Variants in PPP1R12C observed in about 807,000 individuals in gnomAD.
The protein encoded by PPP1R12C is protein phosphatase 1 regulatory subunit 12C.
Under a neutral mutation model 95.6 loss-of-function variants are expected in PPP1R12C, and 48 were observed. That is an observed-to-expected ratio of 0.50 (90% CI 0.40 to 0.64). PPP1R12C has a LOEUF of 0.64. Ranked by LOEUF, PPP1R12C falls within the 30% of genes least tolerant of loss-of-function variation. The pLI, the probability that PPP1R12C is intolerant of heterozygous loss-of-function variation, is 0.00. For missense variants in PPP1R12C, 1,057 were observed against 1,083.3 expected (o/e 0.98, Z 0.34); for synonymous variants, 480 against 460.8 (o/e 1.04, Z -0.53).
At chr19:55,111,944 C>T (rs1476958932) in intron 3 of PPP1R12C, 1 of 152,720 alleles carries the variant, frequency 6.5e-6, no homozygotes, top group African/African-American at 2.4e-5. Flanking sequence ...CACACACCTG[C>T]TAGAAGCAAC....
chr19:55,092,917 G>C (rs1326902192), intron 15 of PPP1R12C, 49 bp from the exon 16 acceptor site: 3 of 1,593,518 alleles, frequency 1.9e-6, no homozygotes, highest in African/African-American at 2.7e-5. Context: ...GCCCCCTCTC[G>C]GTGCCTGGGT....
chr19:55,107,361 T>C (rs758544796), intron 3 of PPP1R12C, among the ~76,000 whole-genome samples: 2 of 151,880 alleles, frequency 1.3e-5, no homozygotes, highest in Non-Finnish European at 2.9e-5. Context: ...TTGCAGTGAG[T>C]CAAGACCATG....
chr19:55,112,837 A>G, intron 1 of PPP1R12C, 42 bp from the exon 2 acceptor site: 1 of 1,606,438 alleles, frequency 6.2e-7, no homozygotes, highest in Non-Finnish European at 8.5e-7. Context: ...TACCCCAGCC[A>G]CGGTGTCCCA....
In PPP1R12C at chr19:55,113,518, G is replaced by C. The variant is rs577735675; in HGVS notation, c.322-723C>G. The C allele has an allele frequency of 3.2e-5, 45 of 1,396,264 alleles. No homozygotes were observed. The East Asian group carries it at 9.2e-4, about 29-fold the overall frequency. 86.5% of individuals were successfully genotyped at this position (1,396,264 alleles called of 1,614,324 possible). A position where few individuals can be genotyped will look rare whatever the true frequency, so the allele number is the denominator to read the frequency against. On this transcript the variant is annotated intron_variant, in intron 1 of 21. Coordinates refer to ENST00000263433, the MANE Select transcript of PPP1R12C (RefSeq NM_017607.4). ...TTCCCTTAGGGGTCCAAAACTTGGG[G>C]GGACAAAAGCCGAAGTCCAGGGGGT...
Position 55,094,659 on chromosome 19 carries a change from A to T in PPP1R12C, c.1592+2T>A. On this transcript the variant is annotated splice_donor_variant, in intron 12 of 21. Transcript: ENST00000263433. LOFTEE classifies it high-confidence loss of function. ...GGCAGCTTCCTGCCCTGGCCTCTTCACCTCCGTCGGTCCCGGGAGTCCGCT... is the reference window on the plus strand; with the variant it reads ...GGCAGCTTCCTGCCCTGGCCTCTTCTCCTCCGTCGGTCCCGGGAGTCCGCT... The T allele has an allele frequency of 1.3e-6, 2 of 1,583,460 alleles. No individual in the cohort carries two copies. Among genetic ancestry groups the T allele is most frequent in the Non-Finnish European group, 1.7e-6 (2 of 1,169,588 alleles).
chr19:55,117,157 G>A (rs921955778), intron 1 of PPP1R12C, 66 bp downstream of exon 1: 9 of 1,172,316 alleles, frequency 7.7e-6, no homozygotes, highest in East Asian at 7.1e-5. Flanking sequence ...GGGGAAGGAG[G>A]ATGCCCCAGG....
chr19:55,106,792 C>T (rs994617828), intron 3 of PPP1R12C, among the ~76,000 whole-genome samples: 6 of 152,132 alleles, frequency 3.9e-5, no homozygotes, highest in African/African-American at 9.7e-5. Flanking sequence ...TCAATGTGAC[C>T]GGGCCCATAG....
chr19:55,101,859 G>A (rs564042066), intron 4 of PPP1R12C, among the ~76,000 whole-genome samples: 10 of 151,764 alleles, frequency 6.6e-5, no homozygotes, highest in South Asian at 2.1e-4. Context: ...GAGCTGTTAC[G>A]GGTGCTAGGC....
intron 3 of PPP1R12C, chr19:55,112,076 T>C (rs1485750394): frequency 1.1e-5 from 2 of 178,298 alleles, no homozygotes; most frequent in Admixed American, 5.6e-5. Context: ...TGGCAACCCC[T>C]GCATGCCCCT....
rs2084867421 is a variant in PPP1R12C, at chr19:55,093,148, C to G, written c.1764+5G>C. 6.2e-7 allele frequency: 1 copy of G among 1,613,568 alleles called. No homozygotes were observed. The highest frequency in any genetic ancestry group is 8.5e-7 in the Non-Finnish European group (1 of 1,179,966). The stretch of plus-strand genomic sequence containing the variant: ...ACCCCACTCGCCCTCGCTGACCCCT[C>G]TCACCAGGCTCTGCGCCGGCTTCTC... On this transcript the variant is annotated splice_donor_5th_base_variant and intron_variant, in intron 14 of 21. Transcript: ENST00000263433.
rs1316964166 is a variant in PPP1R12C at position 55,092,844 on chromosome 19, G to A, written c.1850C>T (p.Pro617Leu). 3 of 1,575,028 alleles carry A rather than the reference G, an allele frequency of 1.9e-6. No individual in the cohort carries two copies. Among genetic ancestry groups the A allele is most frequent in the South Asian group, 1.1e-5 (1 of 87,060 alleles). The change falls in exon 16 of 22, where the codon CCG becomes CTG. Residue 617 changes from proline (P) to leucine (L), a missense_variant. By Grantham distance (98) the Pro-to-Leu change is moderately conservative. Transcript: ENST00000263433. ...GTGCTCCCTGGCCGCCTGCGGTCCC[G>A]GACCCTGCCCGTCGGGCGCCTCTGC... ...QRAEAPDGQG[P>L]GPQAAREHRK...
In PPP1R12C at chr19:55,117,478, T is replaced by C. The variant is rs1374647808; in HGVS notation, c.66A>G (p.Arg22=). The part of the protein sequence containing the change: ...GAAAAAARER[R]REQLRQWGAR... The stretch of plus-strand genomic sequence containing the variant: ...CCCCCCACTGCCGCAGCTGCTCCCG[T>C]CGCCGCTCCCGGGCAGCCGCCGCCG... Residue 22 remains arginine, a synonymous_variant, in exon 1 of 22, where the codon CGA becomes CGG. Coordinates refer to ENST00000263433, the MANE Select transcript of PPP1R12C (RefSeq NM_017607.4). 5 of 1,017,948 alleles carry C rather than the reference T, an allele frequency of 4.9e-6. No individual in the cohort carries two copies. In the African/African-American group the frequency reaches 5.3e-5, roughly 11 times the overall value. The allele number at this position is 1,017,948 out of a possible 1,614,324, so 63.1% of individuals were successfully genotyped here.
In PPP1R12C at chr19:55,092,962, A is replaced by G. The variant is rs2084864511; in HGVS notation, c.1825+54T>C. On this transcript the variant is annotated intron_variant, in intron 15 of 21. Transcript: ENST00000263433. ...AAGCCCCCAGGAAAGCAAGAAGACT[A>G]TGGGAGAAACTGGATGATTCCCTGG... is the stretch of plus-strand genomic sequence containing the variant. 3.8e-6 allele frequency: 6 copies of G among 1,568,990 alleles called. No homozygotes were observed. The African/African-American group carries it at 5.4e-5, about 14-fold the overall frequency.
chr19:55,104,629 G>C, intron 3 of PPP1R12C, among the ~76,000 whole-genome samples: 1 of 151,700 alleles, frequency 6.6e-6, no homozygotes, highest in East Asian at 1.9e-4. Flanking sequence ...CTTGAATCTT[G>C]GAGGCGGAAG....
intron 1 of PPP1R12C, among the ~76,000 whole-genome samples, chr19:55,116,217 T>A (rs2085151770): frequency 6.6e-6 from 1 of 151,692 alleles, no homozygotes; most frequent in Non-Finnish European, 1.5e-5. Context: ...GAGAAGGCCA[T>A]CCTAAGAAAC....
chr19:55,093,161 G>A lies in PPP1R12C; in HGVS notation c.1756C>T (p.Gln586Ter). 6.2e-7 allele frequency: 1 copy of A among 1,613,718 alleles called. No individual in the cohort carries two copies. Among genetic ancestry groups the A allele is most frequent in the Non-Finnish European group, 8.5e-7 (1 of 1,179,950 alleles). ...GKAPESEKPA[Q>*]SLDPSRRPRV... is the part of the protein sequence containing the mutation. ...TCGCTGACCCCTCTCACCAGGCTCT[G>A]CGCCGGCTTCTCTGACTCTGGGGCC... The change falls in exon 14 of 22, where the codon CAG (glutamine) becomes TAG (stop). Residue 586 changes from glutamine to a stop codon, truncating the protein, a stop_gained. Coordinates refer to ENST00000263433, the MANE Select transcript of PPP1R12C (RefSeq NM_017607.4). LOFTEE classifies it high-confidence loss of function.
intron 3 of PPP1R12C, chr19:55,111,561 C>G (rs1454188964): frequency 6.6e-6 from 1 of 152,158 alleles, no homozygotes; most frequent in African/African-American, 2.4e-5. Flanking sequence ...GTCCCACTAG[C>G]TAGTCCTCCC....
intron 6 of PPP1R12C, among the ~76,000 whole-genome samples, chr19:55,096,693 C>T (rs1180982624): frequency 1.3e-5 from 2 of 152,078 alleles, no homozygotes; most frequent in Non-Finnish European, 2.9e-5. Flanking sequence ...TGCCCCGGCT[C>T]CTGCAGCCGG....
intron 11 of PPP1R12C, chr19:55,095,052 T>C (rs775514858): frequency 8.9e-6 from 6 of 670,934 alleles, no homozygotes; most frequent in Non-Finnish European, 1.5e-5. Context: ...GACGGCGCCG[T>C]GGTGGCAGCA....
Sources: allele counts gnomAD v4.1 joint callset (sites outside exome capture counted in the v4.1 genomes callset), GRCh38; gene constraint gnomAD v4.1.1; transcripts MANE v1.5; gene names NCBI Gene and HGNC (gene_info 2026-07-23, HGNC 2026-07-21).